The following GRM7 variants were observed in gnomAD, a reference collection of about 807,000 sequenced individuals.
GRM7 encodes metabotropic glutamate receptor 7.
In GRM7, 35 loss-of-function variants were observed where a neutral mutation model predicts 84.5. The ratio of observed to expected loss-of-function variants is 0.41; its 90% CI spans 0.32 to 0.55. GRM7 has a LOEUF of 0.55. Among genes scored for constraint, GRM7 ranks in the 20% least tolerant of loss-of-function variants. The pLI is 0.19. For missense variants in GRM7, 1,003 were observed against 1,194.6 expected, an observed-to-expected ratio of 0.84 and a Z score of 2.36; for synonymous variants, 487 against 455.1, an observed-to-expected ratio of 1.07 and a Z score of -0.89.
chr3:7,527,446 A>G lies in GRM7; in HGVS notation c.1516-50976A>G, dbSNP rs1700849909. Reference sequence around the variant, plus strand: ...TTTCATGGAGTCTTTACAGTTTCCAATGTATAGAATAATATCATTGGTGAA... The same window carrying G: ...TTTCATGGAGTCTTTACAGTTTCCAGTGTATAGAATAATATCATTGGTGAA... On this transcript the variant is annotated intron_variant, in intron 7 of 9. Transcript: ENST00000357716. Among the ~76,000 whole-genome samples the G allele has an allele frequency of 1.3e-5, 2 of 152,078 alleles. 1 individual carries two copies. The highest frequency in any genetic ancestry group is 4.2e-4 in the South Asian group (2 of 4,812).
In GRM7 at chr3:7,590,131, A is replaced by C. The variant is rs3804887; in HGVS notation, c.2451+10774A>C. Among the ~76,000 whole-genome samples the C allele has an allele frequency of 9.5e-3, 1,454 of 152,282 alleles. 59 individuals are homozygous for C. Among genetic ancestry groups the C allele is most frequent in the Admixed American group, 0.071 (1,093 of 15,290 alleles). On this transcript the variant is annotated intron_variant, in intron 8 of 9. Transcript: ENST00000357716. ...GTTCAGAATGTCCCCCTGTTATTTA[A>C]CAATCAATTTTAAGTACCTGTAACA...
intron 4 of GRM7, among the ~76,000 whole-genome samples, chr3:7,340,883 T>C (rs1482805152): frequency 1.3e-5 from 2 of 152,108 alleles, no homozygotes; most frequent in African/African-American, 4.8e-5. Flanking sequence ...GGGTAGGAAT[T>C]ACGTGTCTGC....
At position 6,861,363 on chromosome 3, in the gene GRM7, G is replaced by GCCGCCA; in HGVS notation, c.-21_-16dup. Reference sequence around the variant, plus strand: ...CACCACCGTTCCCTCCAGCGCCGCCGCCGCCACCGCAGCAGCCGGAGCAGC... The same window carrying GCCGCCA: ...CACCACCGTTCCCTCCAGCGCCGCCGCCGCCACCGCCACCGCAGCAGCCGGAGCAGC... On this transcript the variant is annotated 5_prime_UTR_variant, in exon 1 of 10. Coordinates refer to ENST00000357716, the MANE Select transcript of GRM7 (RefSeq NM_000844.4). This position sits in a 1 kb window ranked among gnomAD's most constrained non-coding sequence, Gnocchi z 6.4. 2.7e-6 allele frequency: 4 copies of GCCGCCA among 1,482,134 alleles called. No homozygotes were observed. Among genetic ancestry groups the GCCGCCA allele is most frequent in the Non-Finnish European group, 3.5e-6 (4 of 1,127,528 alleles). The allele number at this position is 1,482,134 out of a possible 1,614,324, so 91.8% of individuals were successfully genotyped here.
At chr3:7,567,747 C>CAAAAA (rs1176146756) in intron 7 of GRM7, among the ~76,000 whole-genome samples, 1 of 45,824 alleles carries the variant, frequency 2.2e-5, no homozygotes, top group Admixed American at 2.9e-4. Flanking sequence ...GACTCCATCT[C>CAAAAA]AAAAAAAAAA....
At chr3:7,390,384 G>A (rs933220599) in intron 4 of GRM7, among the ~76,000 whole-genome samples, 5 of 152,164 alleles carry the variant, frequency 3.3e-5, no homozygotes, top group African/African-American at 1.2e-4. Context: ...ATATCTGCAT[G>A]TTGACTTCTA....
At chr3:7,448,257 A>G (rs1227982230) in intron 5 of GRM7, among the ~76,000 whole-genome samples, 2 of 151,688 alleles carry the variant, frequency 1.3e-5, no homozygotes, top group Non-Finnish European at 2.9e-5. Flanking sequence ...TCCTTTGGGT[A>G]TATACCCAGT....
intron 2 of GRM7, among the ~76,000 whole-genome samples, chr3:7,223,089 G>A (rs1185374751): frequency 6.6e-6 from 1 of 152,058 alleles, no homozygotes; most frequent in Non-Finnish European, 1.5e-5. Flanking sequence ...AAATGTATAT[G>A]TTGACTAACT....
intron 1 of GRM7, among the ~76,000 whole-genome samples, chr3:7,080,561 C>T (rs1375004457): frequency 6.6e-5 from 10 of 151,930 alleles, no homozygotes; most frequent in Admixed American, 6.6e-4. Flanking sequence ...TAGCACAATG[C>T]CCTTTCTTAT....
chr3:6,922,702 A>T (rs1254111825), intron 1 of GRM7, among the ~76,000 whole-genome samples: 1 of 152,226 alleles, frequency 6.6e-6, no homozygotes, highest in Non-Finnish European at 1.5e-5. Context: ...TGTAGTATAA[A>T]TCATTATTGA....
rs1173664001 is a variant in GRM7, at chr3:7,741,012, T to C, written c.*606T>C. ...AGTACCACTGCACATCATGTTTTTT[T>C]TTTTAAGACAAAAAAGATGTTTAAA... On this transcript the variant is annotated 3_prime_UTR_variant, in exon 10 of 10. Transcript: ENST00000357716. The C allele has an allele frequency of 1.3e-5, 2 of 152,504 alleles. No homozygotes were observed. Among genetic ancestry groups the C allele is most frequent in the Non-Finnish European group, 2.9e-5 (2 of 68,024 alleles). The allele number at this position is 152,504 out of a possible 1,614,324, so 9.4% of individuals were successfully genotyped here.
chr3:7,178,371 T>G (rs553791023), intron 2 of GRM7, among the ~76,000 whole-genome samples: 1 of 152,252 alleles, frequency 6.6e-6, no homozygotes, highest in East Asian at 1.9e-4. Flanking sequence ...TGTAATCAGA[T>G]TTTGGTTTTT....
intron 1 of GRM7, among the ~76,000 whole-genome samples, chr3:7,110,001 C>T (rs1032002409): frequency 1.3e-5 from 2 of 151,854 alleles, no homozygotes; most frequent in African/African-American, 4.8e-5. Context: ...ACCATTTTAA[C>T]CTACAAATGT....
chr3:7,352,917 T>A (rs1404248038), intron 4 of GRM7, among the ~76,000 whole-genome samples: 2 of 152,126 alleles, frequency 1.3e-5, no homozygotes, highest in Non-Finnish European at 2.9e-5. Flanking sequence ...GTCCTCACGT[T>A]AACAGTAGAC....
chr3:7,177,819 A>G (rs746464965), intron 2 of GRM7, among the ~76,000 whole-genome samples: 5 of 152,232 alleles, frequency 3.3e-5, no homozygotes, highest in Admixed American at 6.5e-5. Flanking sequence ...ATAACTTACT[A>G]TTACTTAATT....
chr3:7,608,390 T>G (rs959184175), intron 8 of GRM7, among the ~76,000 whole-genome samples: 4 of 152,250 alleles, frequency 2.6e-5, no homozygotes, highest in African/African-American at 9.6e-5. Flanking sequence ...GCATCTGTTA[T>G]TTTTTGACTT....
intron 2 of GRM7, among the ~76,000 whole-genome samples, chr3:7,274,480 A>C (rs1369047164): frequency 5.9e-5 from 9 of 152,018 alleles, no homozygotes; most frequent in African/African-American, 2.2e-4. Flanking sequence ...TTATCTGAGA[A>C]AGTCTTCATT....
chr3:7,620,471 T>C (rs538246304), intron 8 of GRM7, among the ~76,000 whole-genome samples: 2 of 152,292 alleles, frequency 1.3e-5, no homozygotes, highest in South Asian at 2.1e-4. Flanking sequence ...GCCATAGCTA[T>C]ATTACTTTCA....
rs1156604505 is a variant in GRM7, at chr3:6,862,276, G to C, written c.519+369G>C. On this transcript the variant is annotated intron_variant, in intron 1 of 9. Transcript: ENST00000357716. This position sits in a 1 kb window ranked among gnomAD's most constrained non-coding sequence, Gnocchi z 5.2. The stretch of plus-strand genomic sequence containing the variant: ...CCTAGGAGAGCTGGTTAGGAGAATG[G>C]AATAGGAAAGATGAGACGATGCCTG... Among the ~76,000 whole-genome samples the C allele has an allele frequency of 6.6e-6, 1 of 152,064 alleles. No homozygotes were observed. The highest frequency in any genetic ancestry group is 1.5e-5 in the Non-Finnish European group (1 of 68,022).
At chr3:7,576,374 T>C (rs1694964925) in intron 7 of GRM7, among the ~76,000 whole-genome samples, 1 of 152,244 alleles carries the variant, frequency 6.6e-6, no homozygotes, top group Admixed American at 6.5e-5. Flanking sequence ...ATAAGAGTCA[T>C]CTGAAGATGC....
Sources: allele counts gnomAD v4.1 joint callset (sites outside exome capture counted in the v4.1 genomes callset), GRCh38; gene constraint gnomAD v4.1.1; non-coding constraint Gnocchi (gnomAD v3.1); transcripts MANE v1.5; gene names NCBI Gene and HGNC (gene_info 2026-07-23, HGNC 2026-07-21).